Variants in NFIX observed in about 807,000 individuals in gnomAD.
NFIX encodes nuclear factor 1 X-type.
NFIX carries 2 observed loss-of-function variants against 53.3 expected under a neutral mutation model. The observed-to-expected ratio is 0.04, with a 90% CI of 0.02 to 0.12. The LOEUF is 0.12. Ranked by LOEUF, NFIX falls within the 10% of genes least tolerant of loss-of-function variation. NFIX has a pLI of 1.00. For synonymous variants in NFIX, 244 were observed against 289.0 expected, an observed-to-expected ratio of 0.84 and a Z score of 1.58; for missense variants, 310 against 674.5, an observed-to-expected ratio of 0.46 and a Z score of 5.99.
chr19:13,092,540 C>T lies in NFIX; in HGVS notation c.1495-2095C>T, dbSNP rs905414123. Among the ~76,000 whole-genome samples, 6 of 152,354 alleles carry T rather than the reference C, an allele frequency of 3.9e-5. No homozygotes were observed. The East Asian group carries it at 7.7e-4, about 20-fold the overall frequency. On this transcript the variant is annotated intron_variant, in intron 10 of 10. Transcript: ENST00000592199. ...CAGTGTGAGGCCCTGGCATGATCTG[C>T]CAGGAGCAGATAGGGCAGGTGGGGC...
intron 2 of NFIX, among the ~76,000 whole-genome samples, chr19:13,071,821 G>A (rs909339041): frequency 2.0e-5 from 3 of 152,150 alleles, no homozygotes; most frequent in Non-Finnish European, 4.4e-5. Context: ...TGCCACCCGG[G>A]TGGGCTGCAT....
chr19:13,023,070 T>TCTCTCTCTCTCTCTC (rs2013036703), intron 1 of NFIX, among the ~76,000 whole-genome samples: 5 of 138,070 alleles, frequency 3.6e-5, no homozygotes, highest in Admixed American at 7.0e-5. Context: ...TTCTCTCTCT[T>TCTCTCTCTCTCTCTC]TCTCTCTCTC....
At chr19:13,044,640 T>G (rs1333706591) in intron 2 of NFIX, among the ~76,000 whole-genome samples, 1 of 152,108 alleles carries the variant, frequency 6.6e-6, no homozygotes, top group Non-Finnish European at 1.5e-5. Flanking sequence ...AGCTTCTGAG[T>G]CAGAGGGCGT....
intron 1 of NFIX, among the ~76,000 whole-genome samples, chr19:13,023,108 C>CT (rs2013044596): frequency 6.6e-6 from 1 of 150,698 alleles, no homozygotes; most frequent in African/African-American, 2.5e-5. Flanking sequence ...GTCTCTTTCT[C>CT]CCCCCACCCC....
chr19:13,039,220 A>ACCCCCCC (rs766690895), intron 2 of NFIX, among the ~76,000 whole-genome samples: 3 of 135,658 alleles, frequency 2.2e-5, no homozygotes, highest in African/African-American at 9.3e-5. Flanking sequence ...TAAATTAAAC[A>ACCCCCCC]CCCCCCCCCA....
Position 13,049,161 on chromosome 19 carries a change from G to A in NFIX, c.559+23609G>A, listed in dbSNP as rs1485672003. On this transcript the variant is annotated intron_variant, in intron 2 of 10. Coordinates refer to ENST00000592199, the MANE Select transcript of NFIX (RefSeq NM_001365902.3). The surrounding 1 kb of genome is among the most constrained non-coding windows in gnomAD (Gnocchi z 4.5). ...CTAGCTACTTGGGAGGCTGAGGCAG[G>A]AGGATTGCTTGAACCCAAGAATTTA... is the stretch of plus-strand genomic sequence containing the variant. Among the ~76,000 whole-genome samples, 3 of 152,154 alleles carry A rather than the reference G, an allele frequency of 2.0e-5. No homozygotes were observed. Among genetic ancestry groups the A allele is most frequent in the Non-Finnish European group, 4.4e-5 (3 of 68,024 alleles).
At chr19:13,024,994 C>T (rs890219773) in intron 1 of NFIX, 27 bp from the exon 2 acceptor site, 4 of 1,569,300 alleles carry the variant, frequency 2.5e-6, no homozygotes, top group Admixed American at 1.9e-5. Context: ...TCCCTCGCCC[C>T]GCATGCTCCC....
In NFIX at chr19:13,021,076, T is replaced by C. The variant is rs2012937106; in HGVS notation, c.28-3945T>C. Among the ~76,000 whole-genome samples, 1 of 152,156 alleles carries C rather than the reference T, an allele frequency of 6.6e-6. No individual in the cohort carries two copies. The highest frequency in any genetic ancestry group is 6.5e-5 in the Admixed American group (1 of 15,280). On this transcript the variant is annotated intron_variant, in intron 1 of 10. Coordinates refer to ENST00000592199, the MANE Select transcript of NFIX (RefSeq NM_001365902.3). The surrounding 1 kb of genome is among the most constrained non-coding windows in gnomAD (Gnocchi z 4.2). ...AAGAAAAACACCTCCATGCCAAATA[T>C]AAACTCACTTGTAGTTTTTAATGAC...
intron 2 of NFIX, among the ~76,000 whole-genome samples, chr19:13,053,842 G>A (rs1041470608): frequency 1.3e-5 from 2 of 152,094 alleles, no homozygotes; most frequent in African/African-American, 4.8e-5. Flanking sequence ...CAGACAGGAG[G>A]GGGTGGTGTG....
rs5827172 is a variant in NFIX, at chr19:13,015,790, TCA to T, written c.28-9209_28-9208del. 6.3e-3 allele frequency among the ~76,000 whole-genome samples: 832 copies of T among 131,758 alleles called. 9 individuals are homozygous for T. The highest frequency in any genetic ancestry group is 0.019 in the African/African-American group (648 of 33,576). 86.4% of individuals were successfully genotyped at this position (131,758 alleles called of 152,430 possible). A position where few individuals can be genotyped will look rare whatever the true frequency, so the allele number is the denominator to read the frequency against. On this transcript the variant is annotated intron_variant, in intron 1 of 10. Coordinates refer to ENST00000592199, the MANE Select transcript of NFIX (RefSeq NM_001365902.3). ...TCAGAGTTGGGCAGGCATAGAGAGA[TCA>T]CACACACACACACACACACACGCAC...
At chr19:13,069,153 T>C (rs1036720578) in intron 2 of NFIX, among the ~76,000 whole-genome samples, 1 of 152,116 alleles carries the variant, frequency 6.6e-6, no homozygotes, top group African/African-American at 2.4e-5. Flanking sequence ...ACCCACTCTA[T>C]CCCATCTCCA....
chr19:13,015,820 G>A (rs962583838), intron 1 of NFIX, among the ~76,000 whole-genome samples: 6 of 151,956 alleles, frequency 3.9e-5, no homozygotes, highest in Non-Finnish European at 7.4e-5. Context: ...ACACGCACAC[G>A]CACACGCACT....
chr19:13,069,166 C>T (rs2016612045), intron 2 of NFIX, among the ~76,000 whole-genome samples: 1 of 152,184 alleles, frequency 6.6e-6, no homozygotes, highest in Non-Finnish European at 1.5e-5. Context: ...CATCTCCAAC[C>T]AGTATCTCCA....
At chr19:13,024,130 ACCAAAC>A in intron 1 of NFIX, 2 of 827,830 alleles carry the variant, frequency 2.4e-6, no homozygotes, top group Non-Finnish European at 3.7e-6. Flanking sequence ...AAAAAAAAAA[ACCAAAC>A]AAAACCGAGA....
chr19:13,015,991 C>T lies in NFIX; in HGVS notation c.28-9030C>T, dbSNP rs1157870016. Among the ~76,000 whole-genome samples, 4 of 152,240 alleles carry T rather than the reference C, an allele frequency of 2.6e-5. No individual in the cohort carries two copies. In the South Asian group the frequency reaches 6.2e-4, roughly 24 times the overall value. On this transcript the variant is annotated intron_variant, in intron 1 of 10. Coordinates refer to ENST00000592199, the MANE Select transcript of NFIX (RefSeq NM_001365902.3). ...TTCTAAGCCATATAAATTATGAGAACTGTATAGCTTAAAAATTTAAGGCTT... is the reference window on the plus strand; with the variant it reads ...TTCTAAGCCATATAAATTATGAGAATTGTATAGCTTAAAAATTTAAGGCTT...
intron 2 of NFIX, among the ~76,000 whole-genome samples, chr19:13,059,929 A>G (rs1347694564): frequency 2.0e-5 from 3 of 151,834 alleles, no homozygotes; most frequent in African/African-American, 7.3e-5. Flanking sequence ...GACTAGAGGC[A>G]TGTGCCACCA....
Position 13,022,180 on chromosome 19 carries a change from G to T in NFIX, c.28-2841G>T, listed in dbSNP as rs898887110. Among the ~76,000 whole-genome samples, 12 of 152,142 alleles carry T rather than the reference G, an allele frequency of 7.9e-5. No homozygotes were observed. On this transcript the variant is annotated intron_variant, in intron 1 of 10. Transcript: ENST00000592199. The surrounding 1 kb of genome is among the most constrained non-coding windows in gnomAD (Gnocchi z 4.5). ...TCCCCGGGTCTGGCTGTTGTTTGTG[G>T]CTGCGTGTAGAGCTTGTCAGGCGGA... is the stretch of plus-strand genomic sequence containing the variant.
rs139223251 is a variant in NFIX, at chr19:12,997,489, G to A, written c.27+1625G>A. On this transcript the variant is annotated intron_variant, in intron 1 of 10. Coordinates refer to ENST00000592199, the MANE Select transcript of NFIX (RefSeq NM_001365902.3). The stretch of plus-strand genomic sequence containing the variant: ...GCACCCTGAGCACCATGGCAGTGTG[G>A]GGAACCCCCACATCTGCACCTCCAG... Among the ~76,000 whole-genome samples the A allele has an allele frequency of 6.5e-3, 990 of 152,314 alleles. 17 individuals carry two copies. The highest frequency in any genetic ancestry group is 0.022 in the African/African-American group (934 of 41,568).
chr19:13,074,953 C>T (rs955933058), intron 5 of NFIX, among the ~76,000 whole-genome samples: 1 of 149,452 alleles, frequency 6.7e-6, no homozygotes, highest in Non-Finnish European at 1.5e-5. Context: ...ACCTGTAGTC[C>T]CAGCTACTTG....
Sources: allele counts gnomAD v4.1 joint callset (sites outside exome capture counted in the v4.1 genomes callset), GRCh38; gene constraint gnomAD v4.1.1; non-coding constraint Gnocchi (gnomAD v3.1); transcripts MANE v1.5; gene names NCBI Gene and HGNC (gene_info 2026-07-23, HGNC 2026-07-21).